NF2: variants seen among roughly 807,000 people sequenced by gnomAD.
NF2 encodes the protein NF2, moesin-ezrin-radixin like (MERLIN) tumor suppressor, also known as merlin.
NF2 carries 8 observed loss-of-function variants against 83.7 expected under a neutral mutation model. The ratio of observed to expected loss-of-function variants is 0.10; its 90% confidence interval spans 0.06 to 0.17. The LOEUF (loss-of-function observed/expected upper bound fraction) is 0.17. Among genes scored for constraint, NF2 ranks in the 10% least tolerant of loss-of-function variants. NF2 has a pLI of 1.00. For synonymous variants in NF2, 266 were observed against 269.6 expected (o/e 0.99, Z 0.13); for missense variants, 533 against 744.4 (o/e 0.72, Z 3.31).
chr22:29,603,666 G>A lies in NF2; in HGVS notation c.-333G>A, dbSNP rs2064700584. On this transcript the variant is annotated 5_prime_UTR_variant, in exon 1 of 16. Transcript: ENST00000338641. The stretch of plus-strand genomic sequence containing the variant: ...AGTCGGCCGCTGAGAGGCGCGCGGA[G>A]TCTGGGCCGCTGCCGTCTAGGGGTC... The A allele has an allele frequency of 4.8e-6, 2 of 414,716 alleles. No individual in the cohort carries two copies. The highest frequency in any genetic ancestry group is 4.1e-5 in the African/African-American group (2 of 48,658). 25.7% of individuals were successfully genotyped at this position (414,716 alleles called of 1,614,324 possible).
chr22:29,638,962 A>G, intron 2 of NF2, 128 bp from the exon 3 acceptor site: 2 of 1,356,192 alleles, frequency 1.5e-6, no homozygotes, highest in Admixed American at 3.7e-5. Flanking sequence ...TAAAATCACA[A>G]CTTTCAGGAA....
chr22:29,623,239 C>A (rs1019390495), intron 1 of NF2, among the ~76,000 whole-genome samples: 27 of 152,100 alleles, frequency 1.8e-4, no homozygotes, highest in Admixed American at 4.6e-4. Flanking sequence ...GCCAACATGC[C>A]CAGCTAGAGA....
chr22:29,643,432 C>G (rs2065869727), intron 4 of NF2, among the ~76,000 whole-genome samples: 1 of 152,120 alleles, frequency 6.6e-6, no homozygotes, highest in African/African-American at 2.4e-5. Context: ...GCAGAGGACC[C>G]TGCGGACTTC....
At chr22:29,671,673 G>A (rs140345670) in intron 10 of NF2, among the ~76,000 whole-genome samples, 153 bp from the exon 11 acceptor site, 1 of 152,154 alleles carries the variant, frequency 6.6e-6, no homozygotes, top group Non-Finnish European at 1.5e-5. Flanking sequence ...AGGACGGGGT[G>A]GGGGGCAATA....
At chr22:29,616,614 C>T (rs952944444) in intron 1 of NF2, among the ~76,000 whole-genome samples, 2 of 152,058 alleles carry the variant, frequency 1.3e-5, no homozygotes, top group African/African-American at 4.8e-5. Flanking sequence ...TGATGGCACA[C>T]GCCTGTAATC....
chr22:29,665,312 C>T lies in NF2; in HGVS notation c.885+248C>T, dbSNP rs185240022. ...CTGGAGTGCAGTGGCAGTGCCATCT[C>T]GGCTCACTGCAACGTCCGCCTCCCA... On this transcript the variant is annotated intron_variant, in intron 9 of 15. Coordinates refer to ENST00000338641, the MANE Select transcript of NF2 (RefSeq NM_000268.4). 3.4e-3 allele frequency among the ~76,000 whole-genome samples: 508 copies of T among 151,642 alleles called. 5 individuals carry two copies. The highest frequency in any genetic ancestry group is 0.012 in the African/African-American group (479 of 41,330).
intron 1 of NF2, among the ~76,000 whole-genome samples, chr22:29,615,135 G>A (rs1276815258): frequency 6.6e-6 from 1 of 152,192 alleles, no homozygotes; most frequent in Non-Finnish European, 1.5e-5. Context: ...AGTGAGCTCA[G>A]ATTGTGCTAC....
At position 29,648,055 on chromosome 22, in the gene NF2, C is replaced by T. The variant is rs553417370; in HGVS notation, c.447+5770C>T. Among the ~76,000 whole-genome samples, 8 of 151,848 alleles carry T rather than the reference C, an allele frequency of 5.3e-5. No homozygotes were observed. The East Asian group carries it at 5.8e-4, about 11-fold the overall frequency. On this transcript the variant is annotated intron_variant, in intron 4 of 15. Coordinates refer to ENST00000338641, the MANE Select transcript of NF2 (RefSeq NM_000268.4). ...CTGAGGCAGAAGAATCGCTTGAATC[C>T]GGGAGGCAGAAGTTGCAGAGAGCCA...
intron 14 of NF2, among the ~76,000 whole-genome samples, chr22:29,681,146 C>T (rs554529131): frequency 2.3e-4 from 35 of 152,156 alleles, no homozygotes; most frequent in African/African-American, 8.4e-4. Context: ...CTGCCTCAGC[C>T]ACCCAAAGTA....
intron 6 of NF2, 21 bp from the exon 7 acceptor site, chr22:29,658,168 T>C (rs767225024): frequency 1.2e-5 from 19 of 1,612,018 alleles, no homozygotes; most frequent in Admixed American, 1.2e-4. Context: ...CCAATGACAG[T>C]GTCTTCCGTT....
chr22:29,693,896 G>A (rs747645080), intron 15 of NF2, among the ~76,000 whole-genome samples: 4 of 152,326 alleles, frequency 2.6e-5, no homozygotes, highest in Admixed American at 1.3e-4. Context: ...CACACCCAAG[G>A]CATTGATTTC....
At chr22:29,670,488 A>G (rs1460201755) in intron 10 of NF2, among the ~76,000 whole-genome samples, 1 of 135,612 alleles carries the variant, frequency 7.4e-6, no homozygotes, top group Non-Finnish European at 1.5e-5. Context: ...TTGTCTTTGC[A>G]TTATCTTTTT....
In NF2 at chr22:29,694,920, A is replaced by G; in HGVS notation, c.*118A>G. ...GGCTGGGGGTTTCCGTGGGAGCTCC[A>G]GAACTTTCCCCAGCTGAGTGAAGAG... On this transcript the variant is annotated 3_prime_UTR_variant, in exon 16 of 16. Coordinates refer to ENST00000338641, the MANE Select transcript of NF2 (RefSeq NM_000268.4). The surrounding 1 kb of genome is among the most constrained non-coding windows in gnomAD (Gnocchi z 4.1). 2 of 1,060,378 alleles carry G rather than the reference A, an allele frequency of 1.9e-6. No homozygotes were observed. The highest frequency in any genetic ancestry group is 2.8e-6 in the Non-Finnish European group (2 of 702,922). The allele number at this position is 1,060,378 out of a possible 1,614,324, so 65.7% of individuals were successfully genotyped here.
At chr22:29,619,485 C>T (rs988667451) in intron 1 of NF2, among the ~76,000 whole-genome samples, 4 of 152,116 alleles carry the variant, frequency 2.6e-5, no homozygotes, top group African/African-American at 9.7e-5. Context: ...CAACCTCTGT[C>T]TCCTGGGTTC....
intron 4 of NF2, among the ~76,000 whole-genome samples, chr22:29,652,181 C>A (rs1053468317): frequency 3.3e-5 from 5 of 152,280 alleles, no homozygotes; most frequent in East Asian, 1.9e-4. Context: ...AGCACCCCCC[C>A]ACTTCCCTTC....
intron 15 of NF2, among the ~76,000 whole-genome samples, chr22:29,686,029 A>C (rs911945185): frequency 4.6e-5 from 7 of 151,924 alleles, no homozygotes; most frequent in African/African-American, 1.5e-4. Flanking sequence ...ATATGTATAC[A>C]TGCAGCTATA....
chr22:29,641,371 G>GT (rs2065807235), intron 3 of NF2, among the ~76,000 whole-genome samples: 1 of 152,286 alleles, frequency 6.6e-6, no homozygotes, highest in African/African-American at 2.4e-5. Context: ...TGGCTTTCTT[G>GT]TAAGTACTTG....
intron 1 of NF2, among the ~76,000 whole-genome samples, chr22:29,620,981 C>A (rs2065204944): frequency 6.6e-6 from 1 of 152,170 alleles, no homozygotes; most frequent in South Asian, 2.1e-4. Context: ...GAGGCTCAGA[C>A]AGGATACATA....
At chr22:29,682,887 C>T (rs1601669376) in intron 15 of NF2, 1 of 1,085,842 alleles carries the variant, frequency 9.2e-7, no homozygotes, top group African/African-American at 1.5e-5. Flanking sequence ...GACCCCGTTC[C>T]AAGCCATTAA....
Sources: allele counts gnomAD v4.1 joint callset (sites outside exome capture counted in the v4.1 genomes callset), GRCh38; gene constraint gnomAD v4.1.1; non-coding constraint Gnocchi (gnomAD v3.1); transcripts MANE v1.5; gene names NCBI Gene and HGNC (gene_info 2026-07-23, HGNC 2026-07-21).